Variants in FAM117A observed in about 807,000 individuals in gnomAD.
FAM117A encodes the protein protein FAM117A.
FAM117A carries 21 observed loss-of-function variants against 44.1 expected under a neutral mutation model. The ratio of observed to expected loss-of-function variants is 0.48; its 90% CI spans 0.34 to 0.69. The LOEUF is 0.69. Among genes scored for constraint, FAM117A ranks in the 30% least tolerant of loss-of-function variants. The probability of loss-of-function intolerance (pLI) is 0.01; values close to 1 mark genes in which losing one functional copy is unlikely to be tolerated. For missense variants in FAM117A, 498 were observed against 589.9 expected (o/e 0.84, Z 1.61); for synonymous variants, 220 against 238.3 (o/e 0.92, Z 0.71).
intron 7 of FAM117A, among the ~76,000 whole-genome samples, chr17:49,713,249 G>A (rs927332672): frequency 2.0e-5 from 3 of 152,088 alleles, no homozygotes. Context: ...AGGAAGATGG[G>A]ATGATAAAAG....
At position 49,770,152 on chromosome 17, in the gene FAM117A, C is replaced by A. The variant is rs187519751; in HGVS notation, c.-621+18345G>T. Among the ~76,000 whole-genome samples, 288 of 151,688 alleles carry A rather than the reference C, an allele frequency of 1.9e-3. 2 individuals carry two copies. The highest frequency in any genetic ancestry group is 6.8e-3 in the African/African-American group (280 of 41,312). On this transcript the variant is annotated intron_variant, in intron 1 of 7. Coordinates refer to the FAM117A transcript ENST00000513602. ...AGGTGTGGTGGTACGTGCCTATAATCCCAATTACTCAGAAGGCTGAGGCAG... is the reference window on the plus strand; with the variant it reads ...AGGTGTGGTGGTACGTGCCTATAATACCAATTACTCAGAAGGCTGAGGCAG...
intron 1 of FAM117A, among the ~76,000 whole-genome samples, chr17:49,786,614 T>C (rs1245664251): frequency 6.6e-6 from 1 of 151,820 alleles, no homozygotes; most frequent in Non-Finnish European, 1.5e-5. Context: ...CTGTCTCTAC[T>C]AAAAATACAA....
chr17:49,759,428 T>C (rs2143781882), intron 1 of FAM117A, among the ~76,000 whole-genome samples: 1 of 152,314 alleles, frequency 6.6e-6, no homozygotes, highest in South Asian at 2.1e-4. Flanking sequence ...GTTAGCAGTG[T>C]TGGGCTAGGA....
chr17:49,739,559 T>G (rs1243779722), intron 1 of FAM117A, among the ~76,000 whole-genome samples: 1 of 152,208 alleles, frequency 6.6e-6, no homozygotes, highest in Non-Finnish European at 1.5e-5. Flanking sequence ...TCCATGGGCA[T>G]ACCGGAAAGA....
At chr17:49,774,272 C>G (rs1402830535) in intron 1 of FAM117A, among the ~76,000 whole-genome samples, 1 of 152,064 alleles carries the variant, frequency 6.6e-6, no homozygotes, top group Non-Finnish European at 1.5e-5. Context: ...CCTCAGCCTC[C>G]GGAGTAGCTG....
At chr17:49,719,503 CG>C (rs747933401) in intron 5 of FAM117A, 17 of 347,710 alleles carry the variant, frequency 4.9e-5, no homozygotes, top group South Asian at 1.5e-4. Context: ...TTCCTCCCAG[CG>C]GGGGGGCCTC....
chr17:49,757,523 C>T (rs747904391), intron 1 of FAM117A, among the ~76,000 whole-genome samples: 2 of 152,098 alleles, frequency 1.3e-5, no homozygotes, highest in Non-Finnish European at 1.5e-5. Context: ...TTTTCCAAAC[C>T]AGGAGGTTTG....
At chr17:49,712,562 G>A (rs1402549817) in intron 7 of FAM117A, among the ~76,000 whole-genome samples, 2 of 152,132 alleles carry the variant, frequency 1.3e-5, no homozygotes, top group Non-Finnish European at 2.9e-5. Flanking sequence ...AGGCTGGAGT[G>A]CGGTGTGGCA....
In FAM117A at chr17:49,717,761, C is replaced by T. The variant is rs754334415; in HGVS notation, c.709-47G>A. The T allele has an allele frequency of 6.1e-6, 9 of 1,483,324 alleles. No individual in the cohort carries two copies. In the Admixed American group the frequency reaches 1.2e-4, roughly 20 times the overall value. 91.9% of individuals were successfully genotyped at this position (1,483,324 alleles called of 1,614,324 possible). On this transcript the variant is annotated intron_variant, in intron 5 of 7. Transcript: ENST00000240364. ...GACTGTCAGCCCTGAGTATTTCAGG[C>T]CTGCAGCAGCACAGTGACCCCAAGG...
Position 49,785,607 on chromosome 17 carries a change from C to T in FAM117A, c.-621+2890G>A, listed in dbSNP as rs190596234. ...TAAAATTCAGATCTGACATCAAAGC[C>T]CTGTACTGGACACTAGTACAGCTGA... is the stretch of plus-strand genomic sequence containing the variant. On this transcript the variant is annotated intron_variant, in intron 1 of 7. Coordinates refer to the FAM117A transcript ENST00000513602. 5.3e-5 allele frequency among the ~76,000 whole-genome samples: 8 copies of T among 152,178 alleles called. No individual in the cohort carries two copies. In the East Asian group the frequency reaches 1.4e-3, roughly 26 times the overall value.
chr17:49,715,498 G>C (rs2073497990), intron 7 of FAM117A, among the ~76,000 whole-genome samples: 1 of 152,202 alleles, frequency 6.6e-6, no homozygotes, highest in Admixed American at 6.5e-5. Context: ...AACGGGGACA[G>C]GGGCATTTGG....
intron 1 of FAM117A, among the ~76,000 whole-genome samples, chr17:49,750,962 T>C (rs944426119): frequency 5.9e-5 from 9 of 152,172 alleles, no homozygotes; most frequent in African/African-American, 2.2e-4. Context: ...GATTTTACCT[T>C]GTGAAGTTGG....
At chr17:49,758,374 C>G (rs2073707196) in intron 1 of FAM117A, among the ~76,000 whole-genome samples, 2 of 148,752 alleles carry the variant, frequency 1.3e-5, no homozygotes, top group African/African-American at 5.0e-5. Flanking sequence ...GCCTGTAATC[C>G]CAGCACTTTG....
chr17:49,751,608 CAAGA>C (rs1266926006), intron 1 of FAM117A, among the ~76,000 whole-genome samples: 2 of 151,456 alleles, frequency 1.3e-5, no homozygotes, highest in African/African-American at 2.4e-5. Flanking sequence ...AATAAACAAA[CAAGA>C]AAGAAAGGTT....
intron 4 of FAM117A, 54 bp downstream of exon 4, chr17:49,720,271 AG>A: frequency 7.1e-7 from 1 of 1,409,500 alleles, no homozygotes; most frequent in Non-Finnish European, 1.0e-6. Flanking sequence ...CTGCCCATAT[AG>A]GGGGGCCTGC....
At chr17:49,771,849 G>C (rs1003489522) in intron 1 of FAM117A, among the ~76,000 whole-genome samples, 4 of 152,174 alleles carry the variant, frequency 2.6e-5, no homozygotes, top group Admixed American at 2.6e-4. Flanking sequence ...CTTCTCCACT[G>C]TTCCCACTTA....
chr17:49,744,898 C>G (rs562884080), intron 1 of FAM117A, among the ~76,000 whole-genome samples: 35 of 150,094 alleles, frequency 2.3e-4, no homozygotes, highest in Non-Finnish European at 4.7e-4. Flanking sequence ...CCTGTAGGCC[C>G]AACTACTCTG....
intron 2 of FAM117A, among the ~76,000 whole-genome samples, chr17:49,723,857 A>G (rs1394553933): frequency 6.6e-6 from 1 of 152,058 alleles, no homozygotes; most frequent in Admixed American, 6.6e-5. Context: ...GGGCCACGCA[A>G]CATAGCCAGG....
chr17:49,730,797 C>T (rs916277153), intron 2 of FAM117A, among the ~76,000 whole-genome samples: 1 of 152,158 alleles, frequency 6.6e-6, no homozygotes, highest in African/African-American at 2.4e-5. Flanking sequence ...CTCTCTCCTT[C>T]CTGGAGGGTA....
Sources: allele counts gnomAD v4.1 joint callset (sites outside exome capture counted in the v4.1 genomes callset), GRCh38; gene constraint gnomAD v4.1.1; transcripts MANE v1.5; gene names NCBI Gene and HGNC (gene_info 2026-07-23, HGNC 2026-07-21).